The following SLIT3 variants were observed in gnomAD, a reference collection of about 807,000 sequenced individuals.
SLIT3 encodes the protein slit guidance ligand 3.
A neutral mutation model predicts 184.0 loss-of-function variants in SLIT3; 68 were observed. That is an observed-to-expected ratio of 0.37 (90% CI 0.30 to 0.45). The LOEUF is 0.45. Among genes scored for constraint, SLIT3 ranks in the 20% least tolerant of loss-of-function variants. SLIT3 has a pLI of 1.00. For missense variants in SLIT3, 1,707 were observed against 2,026.0 expected, an observed-to-expected ratio of 0.84 and a Z score of 3.02; for synonymous variants, 831 against 828.6, an observed-to-expected ratio of 1.00 and a Z score of -0.05.
At chr5:168,685,558 G>T in intron 31 of SLIT3, 129 bp downstream of exon 31, 1 of 1,241,336 alleles carries the variant, frequency 8.1e-7, no homozygotes, top group Non-Finnish European at 1.1e-6. Flanking sequence ...TGGTCCAGAT[G>T]TCCTCAAGCT....
intron 1 of SLIT3, among the ~76,000 whole-genome samples, chr5:169,272,312 T>G (rs1436774398): frequency 2.0e-5 from 3 of 152,266 alleles, no homozygotes; most frequent in African/African-American, 7.2e-5. Flanking sequence ...GCTTACGCAA[T>G]GTTGGCTCTG....
In SLIT3 at chr5:168,666,179, TACACAACAC is replaced by T. The variant is rs1302226469; in HGVS notation, c.*266_*274del. On this transcript the variant is annotated 3_prime_UTR_variant, in exon 36 of 36. Coordinates refer to ENST00000519560, the MANE Select transcript of SLIT3 (RefSeq NM_003062.4). ...CAGCTATTTTTAAAAACACAACAAATACACAACACAAAACTTGGTAAAAATAACTCACTA... is the reference window on the plus strand; with the variant it reads ...CAGCTATTTTTAAAAACACAACAAATAAAACTTGGTAAAAATAACTCACTA... The T allele has an allele frequency of 2.8e-5, 8 of 289,330 alleles. No homozygotes were observed. Among genetic ancestry groups the T allele is most frequent in the Non-Finnish European group, 4.4e-5 (7 of 159,696 alleles). 17.9% of individuals were successfully genotyped at this position (289,330 alleles called of 1,614,324 possible).
chr5:169,022,634 G>T (rs1024324249), intron 4 of SLIT3: 8 of 152,158 alleles, frequency 5.3e-5, no homozygotes, highest in Admixed American at 1.3e-4. Flanking sequence ...GAAAGGTTGA[G>T]CCAGAGATGT....
At chr5:168,900,136 A>G (rs1276186935) in intron 4 of SLIT3, among the ~76,000 whole-genome samples, 2 of 152,206 alleles carry the variant, frequency 1.3e-5, no homozygotes, top group Non-Finnish European at 1.5e-5. Context: ...TCAAAAAATA[A>G]CAGATGCTGG....
chr5:169,251,533 G>T lies in SLIT3; in HGVS notation c.198-74C>A, dbSNP rs987271446. ...GGTCTATTTAATCCAGACTGGCTTG[G>T]ACTGAAGGGATGTTGCTTGTCCAGA... On this transcript the variant is annotated intron_variant, in intron 1 of 35. Coordinates refer to ENST00000519560, the MANE Select transcript of SLIT3 (RefSeq NM_003062.4). The T allele has an allele frequency of 8.1e-6, 8 of 983,674 alleles. No individual in the cohort carries two copies. The African/African-American group carries it at 9.5e-5, about 12-fold the overall frequency. 60.9% of individuals were successfully genotyped at this position (983,674 alleles called of 1,614,324 possible). A position where few individuals can be genotyped will look rare whatever the true frequency, so the allele number is the denominator to read the frequency against.
At chr5:168,893,251 C>A (rs760242137) in intron 4 of SLIT3, among the ~76,000 whole-genome samples, 1 of 152,106 alleles carries the variant, frequency 6.6e-6, no homozygotes, top group African/African-American at 2.4e-5. Flanking sequence ...TGGAGACTGG[C>A]GTTTTGTTTA....
chr5:169,149,081 G>C (rs187825732), intron 4 of SLIT3, among the ~76,000 whole-genome samples: 27 of 152,288 alleles, frequency 1.8e-4, no homozygotes, highest in East Asian at 1.2e-3. Flanking sequence ...ACTGAGATTT[G>C]AAAGCCAGAT....
chr5:168,835,477 CA>C (rs558345211), intron 6 of SLIT3, among the ~76,000 whole-genome samples: 5,516 of 132,986 alleles, frequency 0.041, 269 homozygotes, highest in African/African-American at 0.12. Flanking sequence ...TCCCTTACTT[CA>C]AAAAAAAAAA....
intron 5 of SLIT3, among the ~76,000 whole-genome samples, chr5:168,856,809 G>GCGCGCA (rs1554149488): frequency 1.8e-3 from 268 of 145,500 alleles, no homozygotes; most frequent in Non-Finnish European, 3.2e-3. Flanking sequence ...GTGTGTGTGC[G>GCGCGCA]CGCGCGCGCA....
At chr5:169,009,796 A>G (rs1051438688) in intron 4 of SLIT3, among the ~76,000 whole-genome samples, 3 of 152,248 alleles carry the variant, frequency 2.0e-5, no homozygotes, top group African/African-American at 7.2e-5. Context: ...TGAGAAAGGA[A>G]CACTGTAATA....
At chr5:169,014,579 C>A (rs1320280700) in intron 4 of SLIT3, among the ~76,000 whole-genome samples, 1 of 152,150 alleles carries the variant, frequency 6.6e-6, no homozygotes, top group Non-Finnish European at 1.5e-5. Context: ...GAAAACAGTG[C>A]CTTTTGCACA....
rs869169684 is a variant in SLIT3, at chr5:169,187,559, C to CT, written c.413+5919dup. On this transcript the variant is annotated intron_variant, in intron 4 of 35. Transcript: ENST00000519560. ...TTCTTTTCTTTTTCTTTCTTTCTTT[C>CT]TTTTTTTTTTTTTTTGAGACAGTCT... Among the ~76,000 whole-genome samples, 264 of 55,742 alleles carry CT rather than the reference C, an allele frequency of 4.7e-3. 1 individual carries two copies. Among genetic ancestry groups the CT allele is most frequent in the African/African-American group, 0.013 (155 of 11,596 alleles). 36.6% of individuals were successfully genotyped at this position (55,742 alleles called of 152,430 possible). A position where few individuals can be genotyped will look rare whatever the true frequency, so the allele number is the denominator to read the frequency against.
At chr5:169,208,928 T>C (rs112156604) in intron 3 of SLIT3, among the ~76,000 whole-genome samples, 37 of 152,100 alleles carry the variant, frequency 2.4e-4, no homozygotes, top group African/African-American at 8.5e-4. Flanking sequence ...CCAAAAGCAA[T>C]GGCAATAAAA....
chr5:169,034,807 G>A (rs957654675), intron 4 of SLIT3, among the ~76,000 whole-genome samples: 1 of 149,642 alleles, frequency 6.7e-6, no homozygotes, highest in Non-Finnish European at 1.5e-5. Context: ...GCAGTGGCTT[G>A]CAATCACTGC....
intron 4 of SLIT3, among the ~76,000 whole-genome samples, chr5:168,886,036 G>A (rs757707148): frequency 2.0e-5 from 3 of 152,114 alleles, no homozygotes; most frequent in Non-Finnish European, 2.9e-5. Context: ...CCTACTTTAC[G>A]GAGCCAGTTG....
At chr5:169,107,647 A>C (rs1484072848) in intron 4 of SLIT3, among the ~76,000 whole-genome samples, 1 of 152,210 alleles carries the variant, frequency 6.6e-6, no homozygotes, top group Non-Finnish European at 1.5e-5. Context: ...GGGAATGTGC[A>C]GAAGGCTTGG....
intron 10 of SLIT3, 130 bp from the exon 11 acceptor site, chr5:168,789,761 A>G (rs1756290700): frequency 1.4e-6 from 1 of 712,304 alleles, no homozygotes; most frequent in African/African-American, 1.7e-5. Flanking sequence ...CAATTCATTT[A>G]CTCATAGTGC....
chr5:168,772,573 TG>T, intron 14 of SLIT3: 1 of 543,232 alleles, frequency 1.8e-6, no homozygotes, highest in African/African-American at 2.0e-5. Context: ...GCTTTTATTG[TG>T]TGTGTGTGTG....
rs75502330 is a variant in SLIT3 at position 168,885,974 on chromosome 5, C to T, written c.414-2638G>A. ...AAAATCCTGCACTTGGGTGGGGCAG[C>T]GCTTTGGTTTCTGTTCACTATTTTC... On this transcript the variant is annotated intron_variant, in intron 4 of 35. Coordinates refer to ENST00000519560, the MANE Select transcript of SLIT3 (RefSeq NM_003062.4). Among the ~76,000 whole-genome samples, 52 of 152,272 alleles carry T rather than the reference C, an allele frequency of 3.4e-4. No homozygotes were observed. The East Asian group carries it at 9.1e-3, about 27-fold the overall frequency.
Sources: gnomAD v4.1 joint callset for allele counts (sites outside exome capture counted in the v4.1 genomes callset) on GRCh38, gnomAD v4.1.1 for gene constraint, MANE v1.5 for transcripts, NCBI Gene and HGNC (gene_info 2026-07-23, HGNC 2026-07-21) for gene names.